The following TOGARAM2 variants were observed in gnomAD, a reference collection of about 807,000 sequenced individuals.
TOGARAM2 encodes TOG array regulator of axonemal microtubules 2, also known as TOG array regulator of axonemal microtubules protein 2.
A neutral mutation model predicts 93.3 loss-of-function variants in TOGARAM2; 85 were observed. That is an observed-to-expected ratio of 0.91 (90% CI 0.76 to 1.09). TOGARAM2 has a LOEUF of 1.09. Ranked by LOEUF, TOGARAM2 falls within the 50% of genes least tolerant of loss-of-function variation. The pLI is 0.00. For missense variants in TOGARAM2, 1,277 were observed against 1,334.5 expected (o/e 0.96, Z 0.67); for synonymous variants, 593 against 552.8 (o/e 1.07, Z -1.02).
intron 14 of TOGARAM2, among the ~76,000 whole-genome samples, chr2:29,029,853 T>C (rs13385553): frequency 0.092 from 14,019 of 151,826 alleles, 1,191 homozygotes; most frequent in African/African-American, 0.22. Context: ...GTTCAATGTA[T>C]ACTGCTCGGG....
intron 10 of TOGARAM2, among the ~76,000 whole-genome samples, chr2:29,018,922 T>A (rs1226528757): frequency 6.6e-6 from 1 of 152,174 alleles, no homozygotes; most frequent in African/African-American, 2.4e-5. Flanking sequence ...ACAAATTTTT[T>A]AGCTAGAGTT....
At chr2:28,993,710 G>A (rs909617611) in intron 1 of TOGARAM2, among the ~76,000 whole-genome samples, 9 of 152,214 alleles carry the variant, frequency 5.9e-5, no homozygotes, top group African/African-American at 2.2e-4. Flanking sequence ...GCTGGGTGCT[G>A]TGCTGGGCCG....
Position 29,016,823 on chromosome 2 carries a change from C to G in TOGARAM2, c.1045-331C>G, listed in dbSNP as rs115070855. Among the ~76,000 whole-genome samples, 848 of 152,348 alleles carry G rather than the reference C, an allele frequency of 5.6e-3. 9 individuals carry two copies. The highest frequency in any genetic ancestry group is 0.02 in the African/African-American group (812 of 41,572). ...CACTCCCTCTGCTTCAAACACTTCT[C>G]TCCTAGAAATCTGTGGGGCTGGTCT... On this transcript the variant is annotated intron_variant, in intron 8 of 19. Transcript: ENST00000379558.
intron 17 of TOGARAM2, 147 bp downstream of exon 17, chr2:29,035,803 C>A: frequency 1.3e-6 from 1 of 766,304 alleles, no homozygotes; most frequent in Non-Finnish European, 1.9e-6. Flanking sequence ...CTGGAAGTGG[C>A]TGAGTGGGCA....
intron 6 of TOGARAM2, among the ~76,000 whole-genome samples, chr2:29,005,530 CAT>C (rs1017189039): frequency 3.0e-5 from 4 of 133,264 alleles, no homozygotes; most frequent in East Asian, 2.4e-4. Flanking sequence ...TGTGTGAAGC[CAT>C]GTGTGGTGTG....
At chr2:28,990,076 A>T (rs985572914) in intron 1 of TOGARAM2, among the ~76,000 whole-genome samples, 1 of 152,086 alleles carries the variant, frequency 6.6e-6, no homozygotes, top group South Asian at 2.1e-4. Flanking sequence ...AGGGGAGCAG[A>T]GGTGGGTGGA....
At chr2:29,013,552 C>A (rs1664378601) in intron 7 of TOGARAM2, among the ~76,000 whole-genome samples, 1 of 152,294 alleles carries the variant, frequency 6.6e-6, no homozygotes, top group African/African-American at 2.4e-5. Flanking sequence ...TGGCAAGCCA[C>A]TGGTGCAAGT....
chr2:28,988,686 T>C (rs1185224940), intron 1 of TOGARAM2, among the ~76,000 whole-genome samples: 2 of 152,182 alleles, frequency 1.3e-5, no homozygotes, highest in Admixed American at 6.6e-5. Context: ...CCCCTCCAGC[T>C]ACTCTCCAAC....
chr2:28,986,172 T>C (rs1672457712), intron 1 of TOGARAM2, among the ~76,000 whole-genome samples: 2 of 150,152 alleles, frequency 1.3e-5, no homozygotes, highest in Middle Eastern at 3.5e-3. Flanking sequence ...GATGCCCTCG[T>C]GCAGTGCCCA....
intron 3 of TOGARAM2, among the ~76,000 whole-genome samples, chr2:28,998,480 C>G (rs750878561): frequency 1.3e-5 from 2 of 152,206 alleles, no homozygotes; most frequent in Non-Finnish European, 2.9e-5. Context: ...GAGCAGGGCT[C>G]TCTGCATGCG....
chr2:28,987,741 G>A (rs540533556), intron 1 of TOGARAM2, among the ~76,000 whole-genome samples: 1 of 152,352 alleles, frequency 6.6e-6, no homozygotes, highest in Admixed American at 6.5e-5. Context: ...GGCTACAGGA[G>A]TATTAACCCC....
intron 11 of TOGARAM2, among the ~76,000 whole-genome samples, chr2:29,022,670 G>A (rs750331238): frequency 3.9e-5 from 6 of 152,190 alleles, no homozygotes; most frequent in East Asian, 1.9e-4. Flanking sequence ...TGCTCCGAGC[G>A]CTCCTCCCAC....
At position 28,998,261 on chromosome 2, in the gene TOGARAM2, G is replaced by T; in HGVS notation, c.139+8G>T. On this transcript the variant is annotated splice_region_variant and intron_variant, in intron 3 of 19. Coordinates refer to ENST00000379558, the MANE Select transcript of TOGARAM2 (RefSeq NM_199280.4). ...GTCTGCCTCATGGAGAAGGTGAGATGGGAAGACCTCACCTGGTCAGGGCCC... is the reference window on the plus strand; with the variant it reads ...GTCTGCCTCATGGAGAAGGTGAGATTGGAAGACCTCACCTGGTCAGGGCCC... The T allele has an allele frequency of 6.3e-7, 1 of 1,596,726 alleles. No individual in the cohort carries two copies.
chr2:28,994,801 G>T lies in TOGARAM2; in HGVS notation c.-34G>T. 6.4e-7 allele frequency: 1 copy of T among 1,551,620 alleles called. No homozygotes were observed. The highest frequency in any genetic ancestry group is 1.2e-5 in the South Asian group (1 of 84,050). On this transcript the variant is annotated 5_prime_UTR_variant, in exon 2 of 20. Transcript: ENST00000379558. The stretch of plus-strand genomic sequence containing the variant: ...CTGCCCAGAAATAGCTGCTGCCTCT[G>T]GGCAACCTTGTAGGCACCTTCTCCA...
chr2:29,005,573 GTGTA>G (rs1275809025), intron 6 of TOGARAM2, among the ~76,000 whole-genome samples: 1 of 139,978 alleles, frequency 7.1e-6, no homozygotes, highest in Non-Finnish European at 1.5e-5. Flanking sequence ...GTGTGCATGT[GTGTA>G]TGTGTGTGAG....
chr2:29,007,805 C>A (rs1344042858), intron 6 of TOGARAM2, among the ~76,000 whole-genome samples: 1 of 152,130 alleles, frequency 6.6e-6, no homozygotes, highest in Non-Finnish European at 1.5e-5. Flanking sequence ...AGTGCTTGTT[C>A]TGTGGGGCCT....
chr2:29,025,216 CTG>C (rs1431549384), intron 13 of TOGARAM2, among the ~76,000 whole-genome samples: 1 of 152,180 alleles, frequency 6.6e-6, no homozygotes, highest in Non-Finnish European at 1.5e-5. Flanking sequence ...CTTCACTTCT[CTG>C]TGTCTCAGTT....
At chr2:29,006,009 C>CGT (rs1425467963) in intron 6 of TOGARAM2, among the ~76,000 whole-genome samples, 5 of 41,872 alleles carry the variant, frequency 1.2e-4, no homozygotes, top group East Asian at 6.3e-4. Flanking sequence ...TGTATGTGTG[C>CGT]GTGTGTGTGT....
intron 11 of TOGARAM2, 65 bp downstream of exon 11, chr2:29,022,373 T>G: frequency 6.3e-7 from 1 of 1,579,504 alleles, no homozygotes; most frequent in Non-Finnish European, 8.6e-7. Flanking sequence ...CAGAATAGCT[T>G]CTGCCCCTCA....
Sources: allele counts gnomAD v4.1 joint callset (sites outside exome capture counted in the v4.1 genomes callset), GRCh38; gene constraint gnomAD v4.1.1; transcripts MANE v1.5; gene names NCBI Gene and HGNC (gene_info 2026-07-23, HGNC 2026-07-21).